The following CDH13 variants were observed in gnomAD, a reference collection of about 807,000 sequenced individuals.
CDH13 encodes cadherin-13.
In CDH13, 24 loss-of-function variants were observed where a neutral mutation model predicts 63.8. The ratio of observed to expected loss-of-function variants is 0.38; its 90% CI spans 0.27 to 0.53. The LOEUF (loss-of-function observed/expected upper bound fraction) is 0.53, where lower values mean the gene tolerates loss of function less well. Among genes scored for constraint, CDH13 ranks in the 20% least tolerant of loss-of-function variants. The probability of loss-of-function intolerance (pLI) is 0.85; values close to 1 mark genes in which losing one functional copy is unlikely to be tolerated. For synonymous variants in CDH13, 503 were observed against 355.3 expected, an observed-to-expected ratio of 1.42 and a Z score of -4.67; for missense variants, 1,049 against 903.1, an observed-to-expected ratio of 1.16 and a Z score of -2.07.
Position 83,796,116 on chromosome 16 carries a change from C to G in CDH13, c.*1086C>G, listed in dbSNP as rs1475573545. On this transcript the variant is annotated 3_prime_UTR_variant, in exon 14 of 14. Transcript: ENST00000567109. ...AATTGACTACCGTTGTTTGCAAACCCGAAAATAAAAGACGTTCATTATGTA... is the reference window on the plus strand; with the variant it reads ...AATTGACTACCGTTGTTTGCAAACCGGAAAATAAAAGACGTTCATTATGTA... The G allele has an allele frequency of 6.6e-6, 1 of 152,388 alleles. No homozygotes were observed. 9.4% of individuals were successfully genotyped at this position (152,388 alleles called of 1,614,324 possible).
At chr16:83,112,242 TTACTC>T (rs2035090875) in intron 3 of CDH13, among the ~76,000 whole-genome samples, 1 of 152,252 alleles carries the variant, frequency 6.6e-6, no homozygotes, top group Admixed American at 6.5e-5. Context: ...GGCAGGCTAA[TTACTC>T]TAGCAAACCA....
At chr16:83,188,701 C>T (rs1044600178) in intron 4 of CDH13, among the ~76,000 whole-genome samples, 13 of 152,084 alleles carry the variant, frequency 8.5e-5, no homozygotes, top group African/African-American at 3.1e-4. Flanking sequence ...TATTAAGTTT[C>T]CTATAAACTC....
intron 1 of CDH13, among the ~76,000 whole-genome samples, chr16:82,643,915 T>TAA (rs11434839): frequency 8.2e-4 from 122 of 147,894 alleles, no homozygotes; most frequent in South Asian, 3.0e-3. Context: ...CCCAGTTAAT[T>TAA]AAAAAAAAAA....
intron 1 of CDH13, among the ~76,000 whole-genome samples, chr16:82,796,741 G>A (rs1011827128): frequency 6.6e-6 from 1 of 152,216 alleles, no homozygotes; most frequent in South Asian, 2.1e-4. Context: ...GACAAATAAT[G>A]ACCTTTTAGT....
At chr16:83,140,058 G>A (rs1008689588) in intron 4 of CDH13, among the ~76,000 whole-genome samples, 1 of 152,140 alleles carries the variant, frequency 6.6e-6, no homozygotes, top group Admixed American at 6.5e-5. Context: ...GTAGACATCC[G>A]AGGGTTTTAC....
chr16:83,708,310 A>G (rs757504222), intron 10 of CDH13, among the ~76,000 whole-genome samples: 1 of 152,202 alleles, frequency 6.6e-6, no homozygotes, highest in African/African-American at 2.4e-5. Flanking sequence ...TGTTCTTCAA[A>G]TGTGTTTTTC....
At chr16:83,589,152 C>G (rs1906469160) in intron 7 of CDH13, among the ~76,000 whole-genome samples, 1 of 152,252 alleles carries the variant, frequency 6.6e-6, no homozygotes, top group South Asian at 2.1e-4. Flanking sequence ...TCTAAAGGCC[C>G]CTGGAATTCC....
intron 6 of CDH13, among the ~76,000 whole-genome samples, chr16:83,464,232 G>A (rs2151529169): frequency 6.6e-6 from 1 of 152,186 alleles, no homozygotes; most frequent in South Asian, 2.1e-4. Flanking sequence ...GCTAAATTTT[G>A]CTGGGCATGG....
chr16:83,726,562 A>C (rs977685142), intron 10 of CDH13, among the ~76,000 whole-genome samples: 2 of 152,180 alleles, frequency 1.3e-5, no homozygotes, highest in African/African-American at 4.8e-5. Flanking sequence ...TTGGCTGGGC[A>C]CGGTGGCTCA....
intron 1 of CDH13, among the ~76,000 whole-genome samples, chr16:82,767,713 C>A (rs960654707): frequency 2.0e-5 from 3 of 152,204 alleles, no homozygotes; most frequent in African/African-American, 7.2e-5. Context: ...CCAAAGTCTG[C>A]ATTGACTCCC....
intron 6 of CDH13, among the ~76,000 whole-genome samples, chr16:83,427,676 C>T (rs905409211): frequency 6.6e-6 from 1 of 152,130 alleles, no homozygotes; most frequent in African/African-American, 2.4e-5. Flanking sequence ...GTGCCTTGTG[C>T]CTTCAGGATT....
At chr16:83,721,027 T>C (rs254317) in intron 10 of CDH13, 152,004 of 152,344 alleles carry the variant, frequency 1, 75,832 homozygotes, top group Middle Eastern at 1. Context: ...GTGGTGTTTC[T>C]GTATCGTCAG....
At chr16:82,845,101 C>T (rs567913092) in intron 1 of CDH13, among the ~76,000 whole-genome samples, 1 of 152,158 alleles carries the variant, frequency 6.6e-6, no homozygotes, top group South Asian at 2.1e-4. Flanking sequence ...ATCCAGGAAG[C>T]AGGAGTAAGG....
At chr16:83,745,358 A>G (rs1912477320) in intron 10 of CDH13, among the ~76,000 whole-genome samples, 1 of 152,152 alleles carries the variant, frequency 6.6e-6, no homozygotes, top group Non-Finnish European at 1.5e-5. Flanking sequence ...CCCCAACACA[A>G]AAAGGATTGA....
chr16:83,383,736 G>A (rs921443293), intron 6 of CDH13, among the ~76,000 whole-genome samples: 23 of 152,090 alleles, frequency 1.5e-4, no homozygotes, highest in Non-Finnish European at 2.9e-4. Flanking sequence ...TATTTTTACT[G>A]CTTACTTTCT....
At chr16:82,818,787 C>T (rs939323771) in intron 1 of CDH13, among the ~76,000 whole-genome samples, 21 of 152,190 alleles carry the variant, frequency 1.4e-4, no homozygotes, top group African/African-American at 3.4e-4. Context: ...AGGCCTTTCT[C>T]TCTGGTGTTG....
intron 1 of CDH13, among the ~76,000 whole-genome samples, chr16:82,789,354 G>C (rs986081436): frequency 6.6e-6 from 1 of 152,192 alleles, no homozygotes; most frequent in Non-Finnish European, 1.5e-5. Context: ...TCTTCTGAGA[G>C]ATATAAAGAG....
intron 1 of CDH13, among the ~76,000 whole-genome samples, chr16:82,843,751 C>A (rs1000946185): frequency 1.3e-5 from 2 of 152,204 alleles, no homozygotes; most frequent in East Asian, 3.9e-4. Flanking sequence ...TTGAGAGCTG[C>A]ACAGTTGGAA....
intron 2 of CDH13, among the ~76,000 whole-genome samples, chr16:82,943,947 A>C (rs1025429514): frequency 1.3e-5 from 2 of 152,206 alleles, no homozygotes; most frequent in African/African-American, 2.4e-5. Flanking sequence ...AAGAGGGCCC[A>C]GGCAATGTTG....
Sources: gnomAD v4.1 joint callset for allele counts (sites outside exome capture counted in the v4.1 genomes callset) on GRCh38, gnomAD v4.1.1 for gene constraint, MANE v1.5 for transcripts, NCBI Gene and HGNC (gene_info 2026-07-23, HGNC 2026-07-21) for gene names.